The following KRT7 variants were observed in gnomAD, a reference collection of about 807,000 sequenced individuals.
KRT7 encodes the protein keratin, type II cytoskeletal 7.
In KRT7, 50 loss-of-function variants were observed where a neutral mutation model predicts 42.8. The ratio of observed to expected loss-of-function variants is 1.17; its 90% CI spans 0.93 to 1.48. KRT7 has a LOEUF of 1.48. Among genes scored for constraint, KRT7 ranks in the 40% most tolerant of loss-of-function variants. KRT7 has a pLI of 0.00. For missense variants in KRT7, 588 were observed against 637.6 expected, an observed-to-expected ratio of 0.92 and a Z score of 0.84; for synonymous variants, 268 against 266.3, an observed-to-expected ratio of 1.01 and a Z score of -0.06.
chr12:52,243,160 C>T, intron 6 of KRT7, 23 bp downstream of exon 6: 6 of 1,600,438 alleles, frequency 3.7e-6, no homozygotes, highest in Non-Finnish European at 5.1e-6. Flanking sequence ...CTCCTGGCTT[C>T]CCCTGCTACT....
At chr12:52,233,759 G>T in intron 1 of KRT7, 139 bp downstream of exon 1, 1 of 842,366 alleles carries the variant, frequency 1.2e-6, no homozygotes, top group South Asian at 1.4e-5. Context: ...TTGGGGACAC[G>T]ATCTGGGGGT....
At chr12:52,238,261 A>T (rs1942037300) in intron 3 of KRT7, among the ~76,000 whole-genome samples, 1 of 152,220 alleles carries the variant, frequency 6.6e-6, no homozygotes, top group African/African-American at 2.4e-5. Flanking sequence ...AATTAAAAAC[A>T]TAGCTTGGAG....
intron 4 of KRT7, among the ~76,000 whole-genome samples, chr12:52,240,515 A>G (rs1942073015): frequency 6.6e-6 from 1 of 152,106 alleles, no homozygotes; most frequent in Admixed American, 6.6e-5. Context: ...CTGTAATCCC[A>G]GCTACACGGG....
At chr12:52,252,584 C>G, downstream of KRT7, 1 of 1,434,498 alleles carries the variant, frequency 7.0e-7, no homozygotes, top group Non-Finnish European at 9.4e-7. Flanking sequence ...GAGGCCTTGT[C>G]TATTTGTTAG....
chr12:52,234,689 C>T (rs1300395675), intron 1 of KRT7, among the ~76,000 whole-genome samples: 1 of 152,102 alleles, frequency 6.6e-6, no homozygotes, highest in African/African-American at 2.4e-5. Flanking sequence ...TTTGTGGGCT[C>T]CAGGCTGGGG....
chr12:52,253,100 G>T, downstream of KRT7: 1 of 977,720 alleles, frequency 1.0e-6, no homozygotes, highest in Non-Finnish European at 1.6e-6. Context: ...CTGTCCTCAT[G>T]CTGGGTGTTT....
downstream of KRT7, chr12:52,255,349 CCTT>C (rs1942321918): frequency 4.4e-6 from 2 of 456,702 alleles, no homozygotes; most frequent in Admixed American, 2.3e-5. Flanking sequence ...GGGTCACTCA[CCTT>C]CTTCAAGGCC....
Position 52,238,706 on chromosome 12 carries a change from G to A in KRT7, c.624G>A (p.Lys208=). ...ATGTGGATGCTGCCTACATGAGCAA[G>A]GTGGAGCTGGAGGCCAAGGTGGATG... ...KKDVDAAYMS[K]VELEAKVDAL... is the part of the protein sequence containing the mutation. The change falls in exon 4 of 9, where the codon AAG becomes AAA. Residue 208 remains lysine, a synonymous_variant. Transcript: ENST00000331817. 1 of 1,613,958 alleles carries A rather than the reference G, an allele frequency of 6.2e-7. No individual in the cohort carries two copies. The highest frequency in any genetic ancestry group is 1.1e-5 in the South Asian group (1 of 91,084).
downstream of KRT7, chr12:52,250,636 T>A (rs940706381): frequency 1.4e-5 from 11 of 789,114 alleles, no homozygotes; most frequent in Admixed American, 1.6e-4. Context: ...CGAGAGCTGC[T>A]GACACCTGCC....
intron 3 of KRT7, 150 bp downstream of exon 3, chr12:52,237,719 T>G: frequency 1.8e-6 from 1 of 568,128 alleles, no homozygotes; most frequent in South Asian, 2.3e-5. Context: ...GTCCTGTGGG[T>G]GCGTGTATGT....
At chr12:52,236,775 A>T (rs983483769) in intron 2 of KRT7, among the ~76,000 whole-genome samples, 1 of 152,116 alleles carries the variant, frequency 6.6e-6, no homozygotes, top group African/African-American at 2.4e-5. Flanking sequence ...CATTAGATTA[A>T]GCCATTGTGG....
chr12:52,250,062 G>A (rs1942239597), downstream of KRT7, among the ~76,000 whole-genome samples: 1 of 152,136 alleles, frequency 6.6e-6, no homozygotes, highest in African/African-American at 2.4e-5. Context: ...GGAGAGGGAG[G>A]GAGCCAGGCA....
intron 7 of KRT7, chr12:52,245,932 CAG>C: frequency 2.6e-6 from 1 of 377,704 alleles, no homozygotes; most frequent in South Asian, 4.1e-5. Flanking sequence ...GTAGTCAGGT[CAG>C]AGACGATTGA....
At chr12:52,252,418 C>T (rs773799033), downstream of KRT7, 13 of 1,614,158 alleles carry the variant, frequency 8.1e-6, no homozygotes, top group South Asian at 2.2e-5. Flanking sequence ...TTGCAGCGGG[C>T]ATCACTGAGG....
At chr12:52,248,295 G>A in intron 8 of KRT7, 84 bp downstream of exon 8, 1 of 1,402,894 alleles carries the variant, frequency 7.1e-7, no homozygotes, top group Non-Finnish European at 1.0e-6. Context: ...GACTGGCCCA[G>A]GGCCCTGCTG....
At chr12:52,237,083 G>A (rs571223730) in intron 2 of KRT7, among the ~76,000 whole-genome samples, 6 of 152,306 alleles carry the variant, frequency 3.9e-5, no homozygotes, top group South Asian at 4.1e-4. Context: ...GGCAGATTAC[G>A]CTGCCTCTCT....
At chr12:52,243,862 A>G (rs11609879) in intron 6 of KRT7, among the ~76,000 whole-genome samples, 4 of 152,250 alleles carry the variant, frequency 2.6e-5, no homozygotes, top group African/African-American at 4.8e-5. Context: ...CCACTGGAAT[A>G]TAACAGATGC....
Position 52,233,326 on chromosome 12 carries a change from C to T in KRT7, c.30C>T (p.Phe10=). 1 of 1,570,476 alleles carries T rather than the reference C, an allele frequency of 6.4e-7. No individual in the cohort carries two copies. The highest frequency in any genetic ancestry group is 8.6e-7 in the Non-Finnish European group (1 of 1,163,780). The change falls in exon 1 of 9, where the codon TTC becomes TTT. Residue 10 remains phenylalanine, a synonymous_variant. Coordinates refer to ENST00000331817, the MANE Select transcript of KRT7 (RefSeq NM_005556.4). ...CCATCCACTTCAGCTCCCCGGTATT[C>T]ACCTCGCGCTCAGCCGCCTTCTCGG... MSIHFSSPV[F]TSRSAAFSGR...
At chr12:52,253,747 A>T, downstream of KRT7, 1 of 1,056,992 alleles carries the variant, frequency 9.5e-7, no homozygotes, top group South Asian at 1.2e-5. Context: ...GAGATGTGCG[A>T]CTGGAGAACG....
Sources: allele counts gnomAD v4.1 joint callset (sites outside exome capture counted in the v4.1 genomes callset), GRCh38; gene constraint gnomAD v4.1.1; transcripts MANE v1.5; gene names NCBI Gene and HGNC (gene_info 2026-07-23, HGNC 2026-07-21).